The following NT5DC1 variants were observed in gnomAD, a reference collection of about 807,000 sequenced individuals.
NT5DC1 encodes 5'-nucleotidase domain-containing protein 1.
A neutral mutation model predicts 59.4 loss-of-function variants in NT5DC1; 42 were observed. That is an observed-to-expected ratio of 0.71 (90% confidence interval 0.55 to 0.92). The LOEUF (loss-of-function observed/expected upper bound fraction) is 0.92, where lower values mean the gene tolerates loss of function less well. Ranked by LOEUF, NT5DC1 falls within the 40% of genes least tolerant of loss-of-function variation. NT5DC1 has a pLI of 0.00. For missense variants in NT5DC1, 501 were observed against 537.1 expected, an observed-to-expected ratio of 0.93 and a Z score of 0.66; for synonymous variants, 172 against 188.1, an observed-to-expected ratio of 0.91 and a Z score of 0.70.
At chr6:116,104,614 T>C (rs1235008086) in intron 1 of NT5DC1, among the ~76,000 whole-genome samples, 1 of 152,092 alleles carries the variant, frequency 6.6e-6, no homozygotes, top group African/African-American at 2.4e-5. Context: ...CAGGGCAGTG[T>C]TTTTGTTTTC....
At chr6:116,242,795 A>G (rs1161646454) in intron 11 of NT5DC1, among the ~76,000 whole-genome samples, 1 of 152,204 alleles carries the variant, frequency 6.6e-6, no homozygotes, top group Non-Finnish European at 1.5e-5. Context: ...AAAGGGTTTG[A>G]GGAGACAACC....
chr6:116,222,459 A>G lies in NT5DC1; in HGVS notation c.705-575A>G, dbSNP rs945138076. Among the ~76,000 whole-genome samples the G allele has an allele frequency of 3.0e-4, 45 of 152,208 alleles. 2 individuals carry two copies. Among genetic ancestry groups the G allele is most frequent in the Non-Finnish European group, 1.5e-5 (1 of 68,032 alleles). ...GGAGAAGGGCTACCTTGCCTTTGCC[A>G]TCAAAAGTAATCCTTAATATAATGC... On this transcript the variant is annotated intron_variant, in intron 7 of 11. Coordinates refer to ENST00000319550, the MANE Select transcript of NT5DC1 (RefSeq NM_152729.3).
chr6:116,154,206 CACTT>C (rs1780123648), intron 6 of NT5DC1, among the ~76,000 whole-genome samples: 1 of 151,858 alleles, frequency 6.6e-6, no homozygotes, highest in African/African-American at 2.4e-5. Flanking sequence ...GTAGTGTAAA[CACTT>C]AATTAAAATG....
intron 6 of NT5DC1, among the ~76,000 whole-genome samples, chr6:116,161,438 T>C (rs906014224): frequency 6.6e-6 from 1 of 151,886 alleles, no homozygotes; most frequent in Non-Finnish European, 1.5e-5. Flanking sequence ...AGGGGTCCAG[T>C]TTTATTCTTC....
chr6:116,105,563 A>G (rs1778751892), intron 1 of NT5DC1, among the ~76,000 whole-genome samples: 1 of 152,206 alleles, frequency 6.6e-6, no homozygotes, highest in Admixed American at 6.5e-5. Flanking sequence ...TGGTATGTAC[A>G]GTTCTTTTAA....
intron 6 of NT5DC1, among the ~76,000 whole-genome samples, chr6:116,157,217 T>C (rs1055819134): frequency 6.6e-6 from 1 of 152,194 alleles, no homozygotes; most frequent in East Asian, 1.9e-4. Context: ...ATTAATTTGG[T>C]TTAAAAATGA....
chr6:116,182,632 G>A (rs764992110), intron 6 of NT5DC1, among the ~76,000 whole-genome samples: 2 of 151,862 alleles, frequency 1.3e-5, no homozygotes, highest in Non-Finnish European at 2.9e-5. Context: ...TTCCCTGATC[G>A]CTAGTGATGT....
intron 6 of NT5DC1, among the ~76,000 whole-genome samples, chr6:116,218,161 A>G (rs1043292988): frequency 2.0e-5 from 3 of 152,148 alleles, no homozygotes; most frequent in Admixed American, 1.3e-4. Context: ...TTTGAATCAG[A>G]CATTATTAAT....
rs1456941927 is a variant in NT5DC1, at chr6:116,130,886, AT to A, written c.529+12942del. 5.9e-5 allele frequency among the ~76,000 whole-genome samples: 9 copies of A among 152,100 alleles called. No individual in the cohort carries two copies. The East Asian group carries it at 7.7e-4, about 13-fold the overall frequency. ...ATTCGTACCAGAATATTGAAAAAAA[AT>A]ATAAGCCGTTTGATTATGTTTGCAA... On this transcript the variant is annotated intron_variant, in intron 6 of 11. Transcript: ENST00000319550.
chr6:116,140,626 T>C (rs1315513049), intron 6 of NT5DC1, among the ~76,000 whole-genome samples: 2 of 152,172 alleles, frequency 1.3e-5, no homozygotes, highest in Admixed American at 6.5e-5. Flanking sequence ...TAGTTAATTA[T>C]GCTGAGTCTT....
At chr6:116,172,440 G>A (rs1484454403) in intron 6 of NT5DC1, among the ~76,000 whole-genome samples, 1 of 149,732 alleles carries the variant, frequency 6.7e-6, no homozygotes, top group Non-Finnish European at 1.5e-5. Context: ...TCCTGCCTCA[G>A]CTTGCTGAGT....
chr6:116,198,809 CT>C (rs2114505627), intron 6 of NT5DC1, among the ~76,000 whole-genome samples: 1 of 152,078 alleles, frequency 6.6e-6, no homozygotes, highest in South Asian at 2.1e-4. Context: ...AAAGTGGGGA[CT>C]TTTTCTTCTG....
At chr6:116,121,438 CCCATTTTCA>C (rs1310903929) in intron 6 of NT5DC1, 1 of 1,614,088 alleles carries the variant, frequency 6.2e-7, no homozygotes, top group Admixed American at 1.7e-5. Flanking sequence ...GTCCTGGAAC[CCCATTTTCA>C]CCTCTTTTTC....
Position 116,117,858 on chromosome 6 carries a change from C to T in NT5DC1, c.445-3C>T, listed in dbSNP as rs1268149963. ...TTTGTTTCATTTGGAATTATTTTTT[C>T]AGCTGAACAATGGTCAAAAAACATT... On this transcript the variant is annotated splice_region_variant and splice_polypyrimidine_tract_variant and intron_variant, in intron 5 of 11. Transcript: ENST00000319550. 1 of 1,509,698 alleles carries T rather than the reference C, an allele frequency of 6.6e-7. No individual in the cohort carries two copies. The highest frequency in any genetic ancestry group is 9.1e-7 in the Non-Finnish European group (1 of 1,094,182). 93.5% of individuals were successfully genotyped at this position (1,509,698 alleles called of 1,614,324 possible).
chr6:116,110,760 A>T, intron 3 of NT5DC1, 90 bp from the exon 4 acceptor site: 2 of 940,944 alleles, frequency 2.1e-6, no homozygotes, highest in Non-Finnish European at 3.5e-6. Context: ...TGTTAGCTCC[A>T]GTGGCAACAG....
At chr6:116,190,828 AG>A (rs1225124916) in intron 6 of NT5DC1, among the ~76,000 whole-genome samples, 2 of 152,114 alleles carry the variant, frequency 1.3e-5, no homozygotes, top group East Asian at 3.9e-4. Context: ...TAATCCAAGA[AG>A]GTGCCAGAGA....
rs1780428616 is a variant in NT5DC1 at position 116,164,979 on chromosome 6, C to T, written c.529+47034C>T. ...GGACATGGTGGTGGGTGCCTGTGGT[C>T]CCAGCTACTCGGGAGGCTGGGGCAG... On this transcript the variant is annotated intron_variant, in intron 6 of 11. Coordinates refer to ENST00000319550, the MANE Select transcript of NT5DC1 (RefSeq NM_152729.3). 2.6e-5 allele frequency among the ~76,000 whole-genome samples: 4 copies of T among 151,802 alleles called. No individual in the cohort carries two copies. In the East Asian group the frequency reaches 5.8e-4, roughly 22 times the overall value.
At chr6:116,105,249 A>C (rs760850505) in intron 1 of NT5DC1, among the ~76,000 whole-genome samples, 17 of 152,068 alleles carry the variant, frequency 1.1e-4, no homozygotes, top group Non-Finnish European at 2.4e-4. Context: ...GTTGCCCCCC[A>C]TTCCCTCTGC....
intron 8 of NT5DC1, among the ~76,000 whole-genome samples, chr6:116,229,917 A>G (rs1246726911): frequency 6.6e-6 from 1 of 152,198 alleles, no homozygotes; most frequent in East Asian, 1.9e-4. Flanking sequence ...CACACTAGGC[A>G]GCTCCACTCA....
Sources: gnomAD v4.1 joint callset for allele counts (sites outside exome capture counted in the v4.1 genomes callset) on GRCh38, gnomAD v4.1.1 for gene constraint, MANE v1.5 for transcripts, NCBI Gene and HGNC (gene_info 2026-07-23, HGNC 2026-07-21) for gene names.